RPS6KC1: variants seen among roughly 807,000 people sequenced by gnomAD.
The protein encoded by RPS6KC1 is ribosomal protein S6 kinase C1.
In RPS6KC1, 54 loss-of-function variants were observed where a neutral mutation model predicts 103.8. The observed-to-expected ratio is 0.52, with a 90% confidence interval of 0.42 to 0.65. RPS6KC1 has a LOEUF of 0.65. RPS6KC1 is among the 30% of genes least tolerant of loss of function. The probability of loss-of-function intolerance (pLI) is 0.00; values close to 1 mark genes in which losing one functional copy is unlikely to be tolerated. For synonymous variants in RPS6KC1, 439 were observed against 438.7 expected, an observed-to-expected ratio of 1.00 and a Z score of -0.01; for missense variants, 1,151 against 1,253.8, an observed-to-expected ratio of 0.92 and a Z score of 1.24.
chr1:213,605,560 CTT>C, the RPS6KC1 span, among the ~76,000 whole-genome samples: 1 of 152,210 alleles, frequency 6.6e-6, no homozygotes, highest in Non-Finnish European at 1.5e-5. Context: ...GATCTGGGCT[CTT>C]TGGGCTCACC....
chr1:213,810,834 A>G, the RPS6KC1 span, among the ~76,000 whole-genome samples: 1 of 152,164 alleles, frequency 6.6e-6, no homozygotes, highest in Admixed American at 6.5e-5. Flanking sequence ...CATTTTACAG[A>G]TAAGAAAAAT....
At chr1:213,750,349 C>G in the RPS6KC1 span, among the ~76,000 whole-genome samples, 1 of 152,232 alleles carries the variant, frequency 6.6e-6, no homozygotes, top group Non-Finnish European at 1.5e-5. Flanking sequence ...TCTTTGTTTT[C>G]AGTCCTTCGC....
chr1:213,146,028 C>CT (rs1411899171), intron 6 of RPS6KC1, among the ~76,000 whole-genome samples: 7 of 144,926 alleles, frequency 4.8e-5, no homozygotes, highest in Non-Finnish European at 9.0e-5. Context: ...CCCTGTAACC[C>CT]CCCCACTACC....
the RPS6KC1 span, among the ~76,000 whole-genome samples, chr1:213,766,691 C>T: frequency 6.6e-6 from 1 of 152,126 alleles, no homozygotes; most frequent in African/African-American, 2.4e-5. Context: ...TTTTTATTGA[C>T]ATAGTTTCTA....
Position 213,151,511 on chromosome 1 carries a change from C to T in RPS6KC1, c.836-16347C>T, listed in dbSNP as rs369220413. ...CTCCCTCCCGGACGGGGCGGCTGGA[C>T]GGGCAGAGGGGCTCCTCGCTTCCCA... On this transcript the variant is annotated intron_variant, in intron 6 of 14. Transcript: ENST00000366960. 1.5e-3 allele frequency among the ~76,000 whole-genome samples: 157 copies of T among 104,258 alleles called. 3 individuals carry two copies. The highest frequency in any genetic ancestry group is 0.015 in the East Asian group (44 of 3,002). 68.4% of individuals were successfully genotyped at this position (104,258 alleles called of 152,430 possible).
At chr1:213,532,538 G>A in the RPS6KC1 span, among the ~76,000 whole-genome samples, 16 of 152,270 alleles carry the variant, frequency 1.1e-4, no homozygotes, top group Middle Eastern at 3.4e-3. Flanking sequence ...TCCTAAAGAG[G>A]TTTCTGCTTA....
intron 1 of RPS6KC1, among the ~76,000 whole-genome samples, chr1:213,058,196 G>A (rs929198743): frequency 6.7e-6 from 1 of 149,704 alleles, no homozygotes; most frequent in Non-Finnish European, 1.5e-5. Flanking sequence ...ACCCACCTCA[G>A]CCTTCCAAGT....
At chr1:213,631,397 A>T in the RPS6KC1 span, among the ~76,000 whole-genome samples, 1 of 143,972 alleles carries the variant, frequency 6.9e-6, no homozygotes, top group Non-Finnish European at 1.5e-5. Context: ...AAAAAAATAG[A>T]TTTACTCTAT....
chr1:213,173,050 C>T (rs1265323156), intron 7 of RPS6KC1, among the ~76,000 whole-genome samples: 1 of 152,136 alleles, frequency 6.6e-6, no homozygotes, highest in African/African-American at 2.4e-5. Context: ...CCTACTTTTG[C>T]TAACCTTGCT....
At chr1:213,086,327 C>T (rs934886584) in intron 3 of RPS6KC1, among the ~76,000 whole-genome samples, 7 of 152,204 alleles carry the variant, frequency 4.6e-5, no homozygotes, top group African/African-American at 1.7e-4. Context: ...CAGCCTGGAT[C>T]TGCTGGCACC....
At chr1:213,544,371 C>A in the RPS6KC1 span, among the ~76,000 whole-genome samples, 5 of 152,082 alleles carry the variant, frequency 3.3e-5, no homozygotes, top group Non-Finnish European at 7.4e-5. Context: ...TAATGTTATT[C>A]CACAGATTAC....
chr1:213,307,841 T>A, the RPS6KC1 span, among the ~76,000 whole-genome samples: 1 of 152,116 alleles, frequency 6.6e-6, no homozygotes, highest in African/African-American at 2.4e-5. Flanking sequence ...TGGTCTCCTG[T>A]CTTTCTTTGT....
chr1:213,362,464 A>G, the RPS6KC1 span, among the ~76,000 whole-genome samples: 6 of 152,190 alleles, frequency 3.9e-5, no homozygotes, highest in Admixed American at 2.6e-4. Context: ...TTTACAGATG[A>G]AGAAACTGAG....
chr1:213,245,118 C>G (rs550972578), intron 12 of RPS6KC1, among the ~76,000 whole-genome samples: 96 of 152,282 alleles, frequency 6.3e-4, no homozygotes, highest in Middle Eastern at 3.4e-3. Context: ...GTACCCCTTA[C>G]TTATAACTCA....
the RPS6KC1 span, among the ~76,000 whole-genome samples, chr1:213,340,236 G>A: frequency 6.6e-6 from 1 of 152,182 alleles, no homozygotes; most frequent in Non-Finnish European, 1.5e-5. Flanking sequence ...CCTCCATGTA[G>A]GAAGGTTGCA....
the RPS6KC1 span, among the ~76,000 whole-genome samples, chr1:213,495,986 C>A: frequency 6.6e-6 from 1 of 150,798 alleles, no homozygotes; most frequent in Non-Finnish European, 1.5e-5. Context: ...AAAACCCTTC[C>A]TTGGGTCCTA....
chr1:213,301,783 T>C, the RPS6KC1 span, among the ~76,000 whole-genome samples: 2 of 151,896 alleles, frequency 1.3e-5, no homozygotes, highest in African/African-American at 4.8e-5. Flanking sequence ...CCCAGGCTAC[T>C]AGAGTGTAGT....
chr1:213,590,355 A>T, the RPS6KC1 span, among the ~76,000 whole-genome samples: 1 of 152,162 alleles, frequency 6.6e-6, no homozygotes, highest in African/African-American at 2.4e-5. Flanking sequence ...AGACTGAAGA[A>T]ATTCAGCGTC....
chr1:213,346,992 A>G, the RPS6KC1 span, among the ~76,000 whole-genome samples: 3,216 of 152,278 alleles, frequency 0.021, 56 homozygotes, highest in Non-Finnish European at 0.034. Flanking sequence ...TAAATACCAG[A>G]AAACAAAGGA....
Sources: gnomAD v4.1 joint callset for allele counts (sites outside exome capture counted in the v4.1 genomes callset) on GRCh38, gnomAD v4.1.1 for gene constraint, MANE v1.5 for transcripts, NCBI Gene and HGNC (gene_info 2026-07-23, HGNC 2026-07-21) for gene names.